The following RABGAP1L variants were observed in gnomAD, a reference collection of about 807,000 sequenced individuals.
RABGAP1L encodes the protein RAB GTPase activating protein 1 like.
In RABGAP1L, 63 loss-of-function variants were observed where a neutral mutation model predicts 137.7. The ratio of observed to expected loss-of-function variants is 0.46; its 90% CI spans 0.37 to 0.56. The LOEUF (loss-of-function observed/expected upper bound fraction) is 0.56, where lower values mean the gene tolerates loss of function less well. RABGAP1L is among the 20% of genes least tolerant of loss of function. The pLI, the probability that RABGAP1L is intolerant of heterozygous loss-of-function variation, is 0.00. For missense variants in RABGAP1L, 1,095 were observed against 1,244.0 expected, an observed-to-expected ratio of 0.88 and a Z score of 1.80; for synonymous variants, 431 against 433.7, an observed-to-expected ratio of 0.99 and a Z score of 0.08.
At chr1:174,623,328 A>C (rs1672683235) in intron 13 of RABGAP1L, among the ~76,000 whole-genome samples, 1 of 152,214 alleles carries the variant, frequency 6.6e-6, no homozygotes, top group South Asian at 2.1e-4. Context: ...ACAGCAAGTT[A>C]GGGAGAACAC....
chr1:174,915,936 T>C (rs939695687), intron 19 of RABGAP1L, among the ~76,000 whole-genome samples: 7 of 152,180 alleles, frequency 4.6e-5, no homozygotes, highest in Admixed American at 1.3e-4. Context: ...AGCCATTTTT[T>C]TCTTTTATGG....
chr1:174,878,541 T>A (rs114879479), intron 19 of RABGAP1L, among the ~76,000 whole-genome samples: 3,156 of 152,274 alleles, frequency 0.021, 121 homozygotes, highest in African/African-American at 0.073. Flanking sequence ...ATCAACTTTT[T>A]AACTACAATT....
chr1:174,570,008 A>G (rs1358324912), intron 13 of RABGAP1L, among the ~76,000 whole-genome samples: 1 of 152,222 alleles, frequency 6.6e-6, no homozygotes, highest in East Asian at 1.9e-4. Flanking sequence ...TGTAGTTATT[A>G]TGGAATGAAG....
intron 13 of RABGAP1L, among the ~76,000 whole-genome samples, chr1:174,636,902 A>T (rs1294562673): frequency 3.3e-5 from 5 of 152,200 alleles, no homozygotes. Context: ...TGTTATATAA[A>T]TAGAAAAAAA....
chr1:174,711,538 C>T (rs558093565), intron 17 of RABGAP1L, among the ~76,000 whole-genome samples: 20 of 152,264 alleles, frequency 1.3e-4, no homozygotes, highest in African/African-American at 4.3e-4. Flanking sequence ...GCTTCGCACC[C>T]GGGCCAGCAG....
intron 21 of RABGAP1L, among the ~76,000 whole-genome samples, chr1:174,975,538 A>T (rs1670569720): frequency 6.6e-6 from 1 of 152,128 alleles, no homozygotes; most frequent in Non-Finnish European, 1.5e-5. Flanking sequence ...GTGAGTGGCC[A>T]TGTGGGCAGG....
chr1:174,337,506 T>C (rs1344521675), intron 11 of RABGAP1L, among the ~76,000 whole-genome samples: 1 of 152,128 alleles, frequency 6.6e-6, no homozygotes, highest in African/African-American at 2.4e-5. Context: ...ACTTTAATTG[T>C]ATAAAGCAGT....
In RABGAP1L at chr1:174,804,239, C is replaced by T. The variant is rs1011362531; in HGVS notation, c.2212-7593C>T. 5.0e-5 allele frequency among the ~76,000 whole-genome samples: 7 copies of T among 140,538 alleles called. No homozygotes were observed. In the East Asian group the frequency reaches 1.3e-3, roughly 27 times the overall value. 92.2% of individuals were successfully genotyped at this position (140,538 alleles called of 152,430 possible). On this transcript the variant is annotated intron_variant, in intron 18 of 25. Transcript: ENST00000681986. Reference sequence around the variant, plus strand: ...TATTCAAAATCTCCCCTTTTCCCTGCGGATGTTTTTTTTTTGTTTGTTTTG... The same window carrying T: ...TATTCAAAATCTCCCCTTTTCCCTGTGGATGTTTTTTTTTTGTTTGTTTTG...
At chr1:174,875,221 T>A (rs561522449) in intron 19 of RABGAP1L, among the ~76,000 whole-genome samples, 134 of 152,222 alleles carry the variant, frequency 8.8e-4, no homozygotes, top group Non-Finnish European at 1.6e-3. Flanking sequence ...CTTTGATTAT[T>A]TTTCTAAAAA....
Position 174,993,718 on chromosome 1 carries a change from G to GA in RABGAP1L, c.*3723dup, listed in dbSNP as rs570750049. On this transcript the variant is annotated 3_prime_UTR_variant, in exon 26 of 26. Coordinates refer to ENST00000681986, the MANE Select transcript of RABGAP1L (RefSeq NM_001366446.1). Reference sequence around the variant, plus strand: ...CCTGATTAGGGGGGCCCCTTTAAGGGAAAAAACTTTTAAAAAATTAAATGC... The same window carrying GA: ...CCTGATTAGGGGGGCCCCTTTAAGGGAAAAAAACTTTTAAAAAATTAAATGC... 6.6e-6 allele frequency: 1 copy of GA among 152,148 alleles called. No homozygotes were observed. The highest frequency in any genetic ancestry group is 2.1e-4 in the South Asian group (1 of 4,830). 9.4% of individuals were successfully genotyped at this position (152,148 alleles called of 1,614,324 possible). A position where few individuals can be genotyped will look rare whatever the true frequency, so the allele number is the denominator to read the frequency against.
chr1:174,183,881 T>TTTA (rs1364855202), intron 1 of RABGAP1L, among the ~76,000 whole-genome samples: 1 of 151,114 alleles, frequency 6.6e-6, no homozygotes, highest in Non-Finnish European at 1.5e-5. Context: ...TTTTTTTTTT[T>TTTA]TTGAGATGGA....
At chr1:174,522,746 G>A (rs1404524660) in intron 13 of RABGAP1L, among the ~76,000 whole-genome samples, 1 of 152,164 alleles carries the variant, frequency 6.6e-6, no homozygotes, top group Non-Finnish European at 1.5e-5. Flanking sequence ...GAGGTGAAAG[G>A]GGAGCAAGCA....
chr1:174,703,191 G>GA (rs1165822405), intron 17 of RABGAP1L, among the ~76,000 whole-genome samples: 2 of 152,156 alleles, frequency 1.3e-5, no homozygotes, highest in Non-Finnish European at 2.9e-5. Context: ...TAGTGGTTAA[G>GA]TCTGGGCTTT....
chr1:174,809,734 A>G (rs558062318), intron 18 of RABGAP1L, among the ~76,000 whole-genome samples: 22 of 152,346 alleles, frequency 1.4e-4, no homozygotes, highest in African/African-American at 4.8e-4. Context: ...CCACTACCAG[A>G]GAGCTAATCA....
chr1:174,776,568 C>T (rs1245999728), intron 18 of RABGAP1L, among the ~76,000 whole-genome samples: 3 of 152,054 alleles, frequency 2.0e-5, no homozygotes, highest in Non-Finnish European at 4.4e-5. Flanking sequence ...ATACTTTTGT[C>T]GACTTGTGGT....
At chr1:174,416,421 TAGC>T (rs1052221443) in intron 13 of RABGAP1L, among the ~76,000 whole-genome samples, 1 of 152,098 alleles carries the variant, frequency 6.6e-6, no homozygotes, top group African/African-American at 2.4e-5. Flanking sequence ...TAAGGATTTT[TAGC>T]AGACCTTATT....
intron 19 of RABGAP1L, among the ~76,000 whole-genome samples, chr1:174,826,314 C>T (rs776538998): frequency 3.6e-4 from 54 of 152,078 alleles, no homozygotes; most frequent in Non-Finnish European, 6.3e-4. Context: ...TCACGCCTCT[C>T]GGGTTCAAGT....
rs1304204063 is a variant in RABGAP1L at position 174,456,123 on chromosome 1, A to G, written c.1710+61978A>G. ...TTTGTGACATAGGAAAAATTATTTT[A>G]AAATTAACTTTATGTTGGAGGTGTG... On this transcript the variant is annotated intron_variant, in intron 13 of 25. Transcript: ENST00000681986. Among the ~76,000 whole-genome samples the G allele has an allele frequency of 2.0e-5, 3 of 152,100 alleles. No individual in the cohort carries two copies. The East Asian group carries it at 5.8e-4, about 29-fold the overall frequency.
intron 13 of RABGAP1L, among the ~76,000 whole-genome samples, chr1:174,598,737 T>A (rs1400078569): frequency 6.6e-6 from 1 of 152,216 alleles, no homozygotes; most frequent in Non-Finnish European, 1.5e-5. Flanking sequence ...TTTTTTGGTT[T>A]TCATTTGCAT....
Sources: allele counts gnomAD v4.1 joint callset (sites outside exome capture counted in the v4.1 genomes callset), GRCh38; gene constraint gnomAD v4.1.1; transcripts MANE v1.5; gene names NCBI Gene and HGNC (gene_info 2026-07-23, HGNC 2026-07-21).